TMEM45A: variants seen among roughly 807,000 people sequenced by gnomAD.
The protein encoded by TMEM45A is transmembrane protein 45A, also known as DNA polymerase-transactivated protein 4.
Under a neutral mutation model 32.0 loss-of-function variants are expected in TMEM45A, and 25 were observed. That is an observed-to-expected ratio of 0.78 (90% confidence interval 0.57 to 1.09). TMEM45A has a LOEUF of 1.09. Among genes scored for constraint, TMEM45A ranks in the 50% least tolerant of loss-of-function variants. TMEM45A has a pLI of 0.00. For missense variants in TMEM45A, 302 were observed against 325.0 expected, an observed-to-expected ratio of 0.93 and a Z score of 0.54; for synonymous variants, 122 against 114.8, an observed-to-expected ratio of 1.06 and a Z score of -0.40.
rs1274899963 is a variant in TMEM45A at position 100,577,065 on chromosome 3, A to G, written c.*47A>G. The G allele has an allele frequency of 1.4e-6, 2 of 1,481,466 alleles. No homozygotes were observed. The highest frequency in any genetic ancestry group is 1.4e-5 in the African/African-American group (1 of 71,072). The allele number at this position is 1,481,466 out of a possible 1,614,324, so 91.8% of individuals were successfully genotyped here. On this transcript the variant is annotated 3_prime_UTR_variant, in exon 6 of 6. Transcript: ENST00000323523. ...TCTAGATAAACCTTTTCTTTTTTAC[A>G]TTGTTCTTGGTTTTGTTTCTCGATC...
intron 1 of TMEM45A, among the ~76,000 whole-genome samples, chr3:100,548,829 T>C (rs565457788): frequency 2.0e-5 from 3 of 152,358 alleles, no homozygotes; most frequent in African/African-American, 7.2e-5. Context: ...TCCCAAATGC[T>C]TTGCGCTGCA....
chr3:100,496,572 T>C (rs377378278), intron 1 of TMEM45A, among the ~76,000 whole-genome samples: 12 of 152,230 alleles, frequency 7.9e-5, no homozygotes, highest in East Asian at 7.7e-4. Context: ...AGGAAGATCA[T>C]TGGAGAAAGG....
At chr3:100,520,271 G>T (rs1705409701) in intron 1 of TMEM45A, among the ~76,000 whole-genome samples, 1 of 152,168 alleles carries the variant, frequency 6.6e-6, no homozygotes, top group Non-Finnish European at 1.5e-5. Context: ...CCCCTGCAGA[G>T]CTCTGAAAAC....
chr3:100,568,685 C>T, intron 4 of TMEM45A, 137 bp from the exon 5 acceptor site: 1 of 726,912 alleles, frequency 1.4e-6, no homozygotes. Context: ...GGCAGCAAAA[C>T]CTGATGTTTT....
In TMEM45A at chr3:100,494,175, C is replaced by T. The variant is rs978350870; in HGVS notation, c.-4+1247C>T. 7.9e-5 allele frequency among the ~76,000 whole-genome samples: 12 copies of T among 152,158 alleles called. No individual in the cohort carries two copies. In the East Asian group the frequency reaches 2.1e-3, roughly 27 times the overall value. On this transcript the variant is annotated intron_variant, in intron 1 of 5. Transcript: ENST00000323523. Reference sequence around the variant, plus strand: ...TTCAGTTAAGTGAGTGGCCTGAGACCCACTCCATCTGAAACATGTATAATC... The same window carrying T: ...TTCAGTTAAGTGAGTGGCCTGAGACTCACTCCATCTGAAACATGTATAATC...
chr3:100,534,761 A>G (rs1385385998), intron 1 of TMEM45A, among the ~76,000 whole-genome samples: 1 of 152,230 alleles, frequency 6.6e-6, no homozygotes, highest in Non-Finnish European at 1.5e-5. Flanking sequence ...CACCCCAGAG[A>G]ACTGGATTCC....
At chr3:100,528,129 G>T (rs1166669592) in intron 1 of TMEM45A, among the ~76,000 whole-genome samples, 1 of 152,202 alleles carries the variant, frequency 6.6e-6, no homozygotes, top group Non-Finnish European at 1.5e-5. Context: ...TTCTGTTGTT[G>T]CTAAGTATGG....
chr3:100,502,963 CTCCTCCTTCTCCTTCTCCTCT>C (rs1708025987), intron 1 of TMEM45A, among the ~76,000 whole-genome samples: 1 of 151,606 alleles, frequency 6.6e-6, no homozygotes, highest in Non-Finnish European at 1.5e-5. Flanking sequence ...TCTCCTTCTT[CTCCTCCTTCTCCTTCTCCTCT>C]TCCTCCTTCT....
Position 100,562,159 on chromosome 3 carries a change from C to G in TMEM45A, c.588+3570C>G, listed in dbSNP as rs115666979. ...CTAATGAAGCTTAAACTAGTCGAAA[C>G]CAGATGTTCAGGAATGGCATACAAG... is the stretch of plus-strand genomic sequence containing the variant. On this transcript the variant is annotated intron_variant, in intron 4 of 5. Coordinates refer to ENST00000323523, the MANE Select transcript of TMEM45A (RefSeq NM_018004.3). 3.6e-3 allele frequency among the ~76,000 whole-genome samples: 544 copies of G among 151,848 alleles called. 5 individuals are homozygous for G. The highest frequency in any genetic ancestry group is 5.3e-3 in the Non-Finnish European group (362 of 67,990).
At chr3:100,498,218 A>G (rs1297124554) in intron 1 of TMEM45A, among the ~76,000 whole-genome samples, 1 of 152,208 alleles carries the variant, frequency 6.6e-6, no homozygotes, top group East Asian at 1.9e-4. Context: ...CTCCCCAGCC[A>G]TGTGGAACTG....
chr3:100,514,297 A>G (rs893998377), intron 1 of TMEM45A, among the ~76,000 whole-genome samples: 2 of 152,206 alleles, frequency 1.3e-5, no homozygotes, highest in Admixed American at 1.3e-4. Flanking sequence ...AATGGAACAG[A>G]ACAGAGCCCT....
chr3:100,508,612 A>ACAT (rs759309897), intron 1 of TMEM45A, among the ~76,000 whole-genome samples: 33 of 152,212 alleles, frequency 2.2e-4, no homozygotes, highest in Non-Finnish European at 4.6e-4. Flanking sequence ...AAAAACAGAC[A>ACAT]CATAGAGAAG....
chr3:100,530,219 T>G (rs2148955833), intron 1 of TMEM45A, among the ~76,000 whole-genome samples: 1 of 152,192 alleles, frequency 6.6e-6, no homozygotes, highest in African/African-American at 2.4e-5. Flanking sequence ...AACCAAAAGG[T>G]TGTGTGTGGG....
intron 1 of TMEM45A, among the ~76,000 whole-genome samples, chr3:100,543,520 T>G (rs1017293708): frequency 6.6e-6 from 1 of 152,200 alleles, no homozygotes; most frequent in African/African-American, 2.4e-5. Context: ...CTTGATATAA[T>G]AGATTTTTTA....
chr3:100,513,656 T>C (rs1345890451), intron 1 of TMEM45A, among the ~76,000 whole-genome samples: 4 of 150,234 alleles, frequency 2.7e-5, no homozygotes, highest in African/African-American at 9.8e-5. Flanking sequence ...AAATAAAGGG[T>C]ATTCAATTAG....
intron 1 of TMEM45A, among the ~76,000 whole-genome samples, chr3:100,504,331 C>G (rs1001747703): frequency 5.9e-5 from 9 of 152,026 alleles, no homozygotes; most frequent in African/African-American, 1.9e-4. Flanking sequence ...AACACTTCAT[C>G]TCAGTTCCTG....
chr3:100,513,651 A>C (rs1312874174), intron 1 of TMEM45A, among the ~76,000 whole-genome samples: 1 of 150,140 alleles, frequency 6.7e-6, no homozygotes, highest in Non-Finnish European at 1.5e-5. Flanking sequence ...GAAGGAAATA[A>C]AGGGTATTCA....
At chr3:100,539,343 T>C (rs1388614819) in intron 1 of TMEM45A, among the ~76,000 whole-genome samples, 2 of 151,954 alleles carry the variant, frequency 1.3e-5, no homozygotes, top group Non-Finnish European at 2.9e-5. Context: ...GGCAATTCAG[T>C]AGTGAAAAAA....
chr3:100,508,270 A>C (rs577459288), intron 1 of TMEM45A, among the ~76,000 whole-genome samples: 2 of 152,258 alleles, frequency 1.3e-5, no homozygotes, highest in East Asian at 3.9e-4. Flanking sequence ...GGTCACACAC[A>C]TAGCCCAAGA....
Sources: gnomAD v4.1 joint callset for allele counts (sites outside exome capture counted in the v4.1 genomes callset) on GRCh38, gnomAD v4.1.1 for gene constraint, MANE v1.5 for transcripts, NCBI Gene and HGNC (gene_info 2026-07-23, HGNC 2026-07-21) for gene names.